The following B3GALT1 variants were observed in gnomAD, a reference collection of about 807,000 sequenced individuals.
B3GALT1 encodes beta-1,3-galactosyltransferase 1, also known as UDP-Gal:betaGlcNAc beta 1,3-galactosyltransferase, polypeptide 1.
A neutral mutation model predicts 23.2 loss-of-function variants in B3GALT1; 10 were observed. That is an observed-to-expected ratio of 0.43 (90% CI 0.27 to 0.73). The LOEUF (loss-of-function observed/expected upper bound fraction) is 0.73. Among genes scored for constraint, B3GALT1 ranks in the 30% least tolerant of loss-of-function variants. The pLI is 0.21. For missense variants in B3GALT1, 299 were observed against 405.4 expected (o/e 0.74, Z 2.25); for synonymous variants, 156 against 141.5 (o/e 1.10, Z -0.73).
In B3GALT1 at chr2:167,493,630, A is replaced by G. The variant is rs116859768; in HGVS notation, c.-410+3353A>G. Among the ~76,000 whole-genome samples the G allele has an allele frequency of 2.9e-3, 442 of 152,264 alleles. 16 individuals are homozygous for G. In the East Asian group the frequency reaches 0.066, roughly 23 times the overall value. On this transcript the variant is annotated intron_variant, in intron 2 of 4. Coordinates refer to ENST00000392690, the MANE Select transcript of B3GALT1 (RefSeq NM_020981.4). The stretch of plus-strand genomic sequence containing the variant: ...ACAGAAATGCAAAGATAAAATAGAC[A>G]TGTTCTCTATTTTCTATAAAAGACG...
rs1221842703 is a variant in B3GALT1 at position 167,700,586 on chromosome 2, G to C, written c.-352+53620G>C. Among the ~76,000 whole-genome samples the C allele has an allele frequency of 2.6e-5, 4 of 152,262 alleles. No homozygotes were observed. In the East Asian group the frequency reaches 7.7e-4, roughly 29 times the overall value. ...TATGATAGAAATGTATGTCTTCAAA[G>C]AGAAACAGAGGGAATAAATTAATGG... On this transcript the variant is annotated intron_variant, in intron 3 of 4. Coordinates refer to ENST00000392690, the MANE Select transcript of B3GALT1 (RefSeq NM_020981.4).
intron 1 of B3GALT1, among the ~76,000 whole-genome samples, chr2:167,471,585 A>T (rs375598920): frequency 2.9e-4 from 44 of 152,286 alleles, no homozygotes; most frequent in African/African-American, 1.1e-3. Flanking sequence ...CCTGTAGTGA[A>T]CCAGCTTCAA....
At chr2:167,662,791 A>G (rs1231292602) in intron 3 of B3GALT1, among the ~76,000 whole-genome samples, 2 of 151,822 alleles carry the variant, frequency 1.3e-5, no homozygotes, top group East Asian at 1.9e-4. Context: ...CTCCAGCTAC[A>G]TTGACCCCTT....
chr2:167,836,960 T>C (rs1386366429), intron 4 of B3GALT1, among the ~76,000 whole-genome samples: 5 of 152,096 alleles, frequency 3.3e-5, no homozygotes, highest in Admixed American at 1.3e-4. Flanking sequence ...TAAAATACTT[T>C]ACAGACAAGC....
At chr2:167,696,904 T>C (rs973320347) in intron 3 of B3GALT1, among the ~76,000 whole-genome samples, 1 of 152,194 alleles carries the variant, frequency 6.6e-6, no homozygotes, top group African/African-American at 2.4e-5. Flanking sequence ...TGTTTTATAA[T>C]CTACAAAAAC....
intron 1 of B3GALT1, among the ~76,000 whole-genome samples, chr2:167,467,334 G>A (rs1699364542): frequency 6.6e-6 from 1 of 151,994 alleles, no homozygotes; most frequent in Non-Finnish European, 1.5e-5. Flanking sequence ...GGCCTCCCTC[G>A]AGCATTATTT....
chr2:167,508,045 C>T (rs1699947506), intron 2 of B3GALT1, among the ~76,000 whole-genome samples: 1 of 152,054 alleles, frequency 6.6e-6, no homozygotes, highest in Admixed American at 6.6e-5. Flanking sequence ...AGAGAGCTCT[C>T]TGGGAGTCCC....
chr2:167,437,963 A>G (rs1698813451), intron 1 of B3GALT1, among the ~76,000 whole-genome samples: 1 of 152,216 alleles, frequency 6.6e-6, no homozygotes, highest in South Asian at 2.1e-4. Flanking sequence ...TCATTGTGTA[A>G]CAAAATATTA....
At position 167,310,753 on chromosome 2, in the gene B3GALT1, A is replaced by G. The variant is rs964790810; in HGVS notation, c.-511+17419A>G. Among the ~76,000 whole-genome samples, 5 of 152,172 alleles carry G rather than the reference A, an allele frequency of 3.3e-5. No homozygotes were observed. The South Asian group carries it at 6.2e-4, about 19-fold the overall frequency. ...TGGGGTAATGTGTTCTCTGGCTGACATAAGTAGAATTGATAACAAGAAAAA... is the reference window on the plus strand; with the variant it reads ...TGGGGTAATGTGTTCTCTGGCTGACGTAAGTAGAATTGATAACAAGAAAAA... On this transcript the variant is annotated intron_variant, in intron 1 of 4. Transcript: ENST00000392690.
At chr2:167,788,147 G>A (rs1273446023) in intron 3 of B3GALT1, among the ~76,000 whole-genome samples, 1 of 151,922 alleles carries the variant, frequency 6.6e-6, no homozygotes, top group Non-Finnish European at 1.5e-5. Context: ...CCAGGTCTGA[G>A]CTGGGAAATA....
At chr2:167,583,839 G>GA (rs1209132495) in intron 2 of B3GALT1, among the ~76,000 whole-genome samples, 6 of 151,984 alleles carry the variant, frequency 3.9e-5, no homozygotes, top group East Asian at 1.9e-4. Flanking sequence ...TTAAATTTTG[G>GA]AAAAAAACCC....
At chr2:167,463,736 T>G (rs151095855) in intron 1 of B3GALT1, among the ~76,000 whole-genome samples, 1 of 152,142 alleles carries the variant, frequency 6.6e-6, no homozygotes, top group East Asian at 1.9e-4. Context: ...GTAAAAGATA[T>G]GAAAATGCAA....
intron 4 of B3GALT1, among the ~76,000 whole-genome samples, chr2:167,839,816 G>T (rs1689592899): frequency 1.3e-5 from 2 of 152,236 alleles, no homozygotes; most frequent in Admixed American, 6.5e-5. Context: ...GCATGGTACT[G>T]GTACCAAAAC....
At chr2:167,534,507 G>C (rs1683382772) in intron 2 of B3GALT1, among the ~76,000 whole-genome samples, 1 of 151,964 alleles carries the variant, frequency 6.6e-6, no homozygotes, top group South Asian at 2.1e-4. Context: ...TATTTCTGTG[G>C]GTGGACATTT....
At chr2:167,351,445 G>C (rs1048175518) in intron 1 of B3GALT1, among the ~76,000 whole-genome samples, 1 of 152,072 alleles carries the variant, frequency 6.6e-6, no homozygotes, top group African/African-American at 2.4e-5. Flanking sequence ...TATACCTCCT[G>C]ACAATAAAAA....
At chr2:167,583,823 T>C (rs1334300414) in intron 2 of B3GALT1, among the ~76,000 whole-genome samples, 10 of 152,198 alleles carry the variant, frequency 6.6e-5, no homozygotes, top group Admixed American at 6.5e-4. Context: ...ACTAATGAAA[T>C]TCTGCTTAAA....
chr2:167,740,466 A>C (rs1352383703), intron 3 of B3GALT1, among the ~76,000 whole-genome samples: 1 of 152,162 alleles, frequency 6.6e-6, no homozygotes. Flanking sequence ...ATATTGAAAA[A>C]AGTCTTTTGT....
At chr2:167,728,299 A>G (rs1687351580) in intron 3 of B3GALT1, among the ~76,000 whole-genome samples, 1 of 152,196 alleles carries the variant, frequency 6.6e-6, no homozygotes. Flanking sequence ...AGGCAGGAGA[A>G]TCATTTGAAT....
intron 1 of B3GALT1, among the ~76,000 whole-genome samples, chr2:167,371,612 T>C (rs564742776): frequency 6.6e-6 from 1 of 152,238 alleles, no homozygotes; most frequent in Non-Finnish European, 1.5e-5. Flanking sequence ...TAACTTGGGA[T>C]GAATAAGCTA....
Sources: gnomAD v4.1 joint callset for allele counts (sites outside exome capture counted in the v4.1 genomes callset) on GRCh38, gnomAD v4.1.1 for gene constraint, MANE v1.5 for transcripts, NCBI Gene and HGNC (gene_info 2026-07-23, HGNC 2026-07-21) for gene names.